CLSPN: variants seen among roughly 807,000 people sequenced by gnomAD.
The protein encoded by CLSPN is claspin.
Under a neutral mutation model 156.3 loss-of-function variants are expected in CLSPN, and 85 were observed. That is an observed-to-expected ratio of 0.54 (90% CI 0.46 to 0.65). CLSPN has a LOEUF of 0.65. Ranked by LOEUF, CLSPN falls within the 30% of genes least tolerant of loss-of-function variation. The probability of loss-of-function intolerance (pLI) is 0.00; values close to 1 mark genes in which losing one functional copy is unlikely to be tolerated. For missense variants in CLSPN, 1,407 were observed against 1,554.9 expected (o/e 0.90, Z 1.60); for synonymous variants, 534 against 542.4 (o/e 0.98, Z 0.22).
chr1:35,755,120 G>A (rs1642227389), intron 8 of CLSPN, among the ~76,000 whole-genome samples: 1 of 152,184 alleles, frequency 6.6e-6, no homozygotes, highest in Non-Finnish European at 1.5e-5. Flanking sequence ...TTTAAATGGA[G>A]TCTCGCTTTG....
Position 35,734,391 on chromosome 1 carries a change from G to A in CLSPN, c.*2105C>T. On this transcript the variant is annotated 3_prime_UTR_variant, in exon 25 of 25. Coordinates refer to ENST00000318121, the MANE Select transcript of CLSPN (RefSeq NM_022111.4). Reference sequence around the variant, plus strand: ...ACATCTTGAGTATTAGAAAACTGTAGAAAACCGGCCGGGTGCGGTGGCTCA... The same window carrying A: ...ACATCTTGAGTATTAGAAAACTGTAAAAAACCGGCCGGGTGCGGTGGCTCA... 2 of 985,126 alleles carry A rather than the reference G, an allele frequency of 2.0e-6. No homozygotes were observed. The highest frequency in any genetic ancestry group is 2.4e-6 in the Non-Finnish European group (2 of 829,748). The allele number at this position is 985,126 out of a possible 1,614,324, so 61.0% of individuals were successfully genotyped here.
At position 35,758,794 on chromosome 1, in the gene CLSPN, TC is replaced by T. The variant is rs1642375956; in HGVS notation, c.1579+1547del. 1.7e-4 allele frequency among the ~76,000 whole-genome samples: 16 copies of T among 93,634 alleles called. No homozygotes were observed. The South Asian group carries it at 5.1e-3, about 30-fold the overall frequency. 61.4% of individuals were successfully genotyped at this position (93,634 alleles called of 152,430 possible). ...GCCCACAAGTCATATAGTGCTTTTT[TC>T]TTTTTCTTTTTTTTTTTTTTTGAGA... On this transcript the variant is annotated intron_variant, in intron 8 of 24. Coordinates refer to ENST00000318121, the MANE Select transcript of CLSPN (RefSeq NM_022111.4).
chr1:35,749,760 C>G lies in CLSPN; in HGVS notation c.2080G>C (p.Glu694Gln), dbSNP rs112460042. The G allele has an allele frequency of 3.7e-6, 6 of 1,613,986 alleles. No homozygotes were observed. In the African/African-American group the frequency reaches 5.3e-5, roughly 14 times the overall value. The change falls in exon 11 of 25, where the codon GAA (glutamate) becomes CAA (glutamine). Residue 694 changes from glutamate (E) to glutamine (Q), a missense_variant. Around this residue, in one of 3 missense-constraint regions of CLSPN, gnomAD observed 1,096 missense variants for 1,193.0 expected, o/e 0.92. Transcript: ENST00000318121. Reference protein sequence around the residue: ...SEEIETKDEKEMDKENNDGSS... With the variant: ...SEEIETKDEKQMDKENNDGSS... The stretch of plus-strand genomic sequence containing the variant: ...CCATCATTATTTTCTTTATCCATTT[C>G]TTTTTCATCTTTTGTTTCTATTTCT...
chr1:35,745,578 GAA>G lies in CLSPN; in HGVS notation c.2855-18_2855-17del. 6.6e-7 allele frequency: 1 copy of G among 1,516,200 alleles called. No individual in the cohort carries two copies. Among genetic ancestry groups the G allele is most frequent in the Non-Finnish European group, 9.2e-7 (1 of 1,090,778 alleles). The allele number at this position is 1,516,200 out of a possible 1,614,324, so 93.9% of individuals were successfully genotyped here. The stretch of plus-strand genomic sequence containing the variant: ...GTGGAGGCATCTACATCACAACAAG[GAA>G]AAGATGTGTCACCAAGGAATGATAG... On this transcript the variant is annotated splice_polypyrimidine_tract_variant and intron_variant, in intron 15 of 24. Coordinates refer to ENST00000318121, the MANE Select transcript of CLSPN (RefSeq NM_022111.4).
Position 35,736,317 on chromosome 1 carries a change from A to C in CLSPN, c.*179T>G, listed in dbSNP as rs1641470041. 1 of 1,241,018 alleles carries C rather than the reference A, an allele frequency of 8.1e-7. No homozygotes were observed. The highest frequency in any genetic ancestry group is 1.0e-6 in the Non-Finnish European group (1 of 992,028). 76.9% of individuals were successfully genotyped at this position (1,241,018 alleles called of 1,614,324 possible). ...AAATCAGTGGCCAATTCAGGGAATA[A>C]TACTAGGAAAAGAGATGTCCAGAGC... On this transcript the variant is annotated 3_prime_UTR_variant, in exon 25 of 25. Coordinates refer to ENST00000318121, the MANE Select transcript of CLSPN (RefSeq NM_022111.4).
At chr1:35,764,168 C>T (rs1642586418) in intron 3 of CLSPN, 98 bp downstream of exon 3, 2 of 718,768 alleles carry the variant, frequency 2.8e-6, no homozygotes, top group African/African-American at 1.8e-5. Context: ...CAATTCAAAG[C>T]AATAGTCAGA....
chr1:35,752,580 A>AG (rs1288194580), intron 9 of CLSPN, among the ~76,000 whole-genome samples: 2 of 49,054 alleles, frequency 4.1e-5, no homozygotes, highest in African/African-American at 1.2e-4. Flanking sequence ...TCTGTCTTAG[A>AG]GGAAAAAAAA....
chr1:35,737,656 G>T, intron 22 of CLSPN: 1 of 468,690 alleles, frequency 2.1e-6, no homozygotes, highest in Non-Finnish European at 3.8e-6. Flanking sequence ...ATAGTGAAGA[G>T]CTTCATTTCT....
chr1:35,758,169 TTG>T (rs1642341074), intron 8 of CLSPN, among the ~76,000 whole-genome samples: 1 of 150,396 alleles, frequency 6.6e-6, no homozygotes, highest in Admixed American at 6.6e-5. Flanking sequence ...GATAATTTTT[TTG>T]TGTTTTTTTT....
In CLSPN at chr1:35,752,187, A is replaced by G. The variant is rs972512502; in HGVS notation, c.1772-681T>C. Among the ~76,000 whole-genome samples the G allele has an allele frequency of 6.6e-5, 10 of 152,324 alleles. No individual in the cohort carries two copies. The Middle Eastern group carries it at 0.01, about 155-fold the overall frequency. On this transcript the variant is annotated intron_variant, in intron 9 of 24. Transcript: ENST00000318121. The stretch of plus-strand genomic sequence containing the variant: ...GGCACTATAATATAACACTGTATGC[A>G]ATAGCAACAACTGGAACAAACAAGA...
chr1:35,762,029 T>C lies in CLSPN; in HGVS notation c.864A>G (p.Gln288=). The part of the protein sequence containing the change: ...AARLSKEALK[Q]LHSETQRLIR... ...TAAGGCGCTGAGTCTCACTATGCAGTTGTTTTAATGCTTCTTTACTTAATC... is the reference window on the plus strand; with the variant it reads ...TAAGGCGCTGAGTCTCACTATGCAGCTGTTTTAATGCTTCTTTACTTAATC... The change falls in exon 6 of 25, where the codon CAA becomes CAG. Residue 288 remains glutamine, a synonymous_variant. Coordinates refer to ENST00000318121, the MANE Select transcript of CLSPN (RefSeq NM_022111.4). 6.2e-7 allele frequency: 1 copy of C among 1,613,756 alleles called. No individual in the cohort carries two copies. The highest frequency in any genetic ancestry group is 8.5e-7 in the Non-Finnish European group (1 of 1,179,722).
At position 35,745,552 on chromosome 1, in the gene CLSPN, A is replaced by C. The variant is rs968531604; in HGVS notation, c.2865T>G (p.Thr955=). The change falls in exon 16 of 25, where the codon ACT becomes ACG. Residue 955 remains threonine, a synonymous_variant. Transcript: ENST00000318121. Reference sequence around the variant, plus strand: ...GTTTATTTAACTCTGATGAGGCTGGAGTGGAGGCATCTACATCACAACAAG... The same window carrying C: ...GTTTATTTAACTCTGATGAGGCTGGCGTGGAGGCATCTACATCACAACAAG... ...SGKFTSQDAS[T]PASSELNKQE... is the part of the protein sequence containing the mutation. The C allele has an allele frequency of 9.3e-6, 15 of 1,610,404 alleles. No individual in the cohort carries two copies. Among genetic ancestry groups the C allele is most frequent in the Non-Finnish European group, 1.3e-5 (15 of 1,176,732 alleles).
intron 1 of CLSPN, among the ~76,000 whole-genome samples, chr1:35,769,427 C>G (rs1266923257): frequency 6.6e-6 from 1 of 152,228 alleles, no homozygotes; most frequent in Non-Finnish European, 1.5e-5. Context: ...CTAACACCCT[C>G]GCTCGCCCTC....
chr1:35,759,958 C>T (rs970958138), intron 8 of CLSPN, among the ~76,000 whole-genome samples: 12 of 151,858 alleles, frequency 7.9e-5, no homozygotes, highest in Admixed American at 3.9e-4. Context: ...CCCAGCCTCC[C>T]GAGTAGCTAG....
chr1:35,737,129 A>G (rs561265201), intron 23 of CLSPN, 54 bp from the exon 24 acceptor site: 13 of 1,564,718 alleles, frequency 8.3e-6, no homozygotes, highest in East Asian at 6.7e-5. Context: ...CTAAAGAATG[A>G]AAAGTCCTTC....
chr1:35,762,607 AG>A, intron 4 of CLSPN, 126 bp from the exon 5 acceptor site: 1 of 694,206 alleles, frequency 1.4e-6, no homozygotes. Context: ...ATCATCAACT[AG>A]AAATTATTAA....
At position 35,736,622 on chromosome 1, in the gene CLSPN, G is replaced by A. The variant is rs1444005166; in HGVS notation, c.3910-16C>T. 4 of 1,601,918 alleles carry A rather than the reference G, an allele frequency of 2.5e-6. No individual in the cohort carries two copies. The highest frequency in any genetic ancestry group is 2.6e-6 in the Non-Finnish European group (3 of 1,176,030). ...TTTTCTTTACCTAGAGAGCAGAGAG[G>A]GAGTCAGGGCCAGCTAAAGACCTTC... On this transcript the variant is annotated splice_polypyrimidine_tract_variant and intron_variant, in intron 24 of 24. Coordinates refer to ENST00000318121, the MANE Select transcript of CLSPN (RefSeq NM_022111.4).
At chr1:35,757,337 G>A (rs940069333) in intron 8 of CLSPN, among the ~76,000 whole-genome samples, 1 of 152,178 alleles carries the variant, frequency 6.6e-6, no homozygotes, top group Non-Finnish European at 1.5e-5. Flanking sequence ...CTAAATAAAA[G>A]TTTATTGCAT....
In CLSPN at chr1:35,748,602, C is replaced by T; in HGVS notation, c.2275G>A (p.Glu759Lys). ...GTTAGCAATGAACATGAATCATCCT[C>T]ATCTAAAGAAAGAGAAACACCTTTT... The part of the protein sequence containing the change: ...NSGKQPSKLD[E>K]DDSCSLLTKE... The change falls in exon 13 of 25, where the codon GAG becomes AAG. Residue 759 changes from glutamate (E) to lysine (K), a missense_variant and splice_region_variant. Physicochemically the swap from Glu to Lys is moderately conservative, Grantham distance 56. This residue lies in a region of CLSPN where 1,096 missense variants were observed against 1,193.0 expected (regional missense o/e 0.92). Coordinates refer to ENST00000318121, the MANE Select transcript of CLSPN (RefSeq NM_022111.4). The T allele has an allele frequency of 6.2e-7, 1 of 1,613,378 alleles. No homozygotes were observed. The highest frequency in any genetic ancestry group is 8.5e-7 in the Non-Finnish European group (1 of 1,179,398).
Sources: gnomAD v4.1 joint callset for allele counts (sites outside exome capture counted in the v4.1 genomes callset) on GRCh38, gnomAD v4.1.1 for gene constraint, gnomAD v4.1.1 regional missense constraint, MANE v1.5 for transcripts, NCBI Gene and HGNC (gene_info 2026-07-23, HGNC 2026-07-21) for gene names.